Variants in SAMMSON observed in about 807,000 individuals in gnomAD.
SAMMSON encodes the protein survival associated mitochondrial melanoma specific oncogenic non-coding RNA.
At chr3:70,097,914 G>T (rs982453984) in intron 4 of SAMMSON, among the ~76,000 whole-genome samples, 1 of 152,104 alleles carries the variant, frequency 6.6e-6, no homozygotes, top group African/African-American at 2.4e-5. Context: ...TATCTACAAA[G>T]CTTGAGAAAT....
At chr3:70,309,667 C>A (rs189872333) in intron 7 of SAMMSON, among the ~76,000 whole-genome samples, 24 of 152,200 alleles carry the variant, frequency 1.6e-4, no homozygotes, top group African/African-American at 5.5e-4. Flanking sequence ...AACCCATATA[C>A]TTTTTCTTAA....
At chr3:70,331,650 T>G (rs1433506563) in intron 7 of SAMMSON, among the ~76,000 whole-genome samples, 1 of 152,212 alleles carries the variant, frequency 6.6e-6, no homozygotes, top group Non-Finnish European at 1.5e-5. Context: ...TTCACCTATT[T>G]AAGCTTTTCT....
chr3:70,254,355 A>G, intron 6 of SAMMSON, among the ~76,000 whole-genome samples: 1 of 152,282 alleles, frequency 6.6e-6, no homozygotes, highest in African/African-American at 2.4e-5. Context: ...AATCCATGCA[A>G]TTATTCTCAA....
intron 7 of SAMMSON, among the ~76,000 whole-genome samples, chr3:70,293,142 A>T (rs1466237176): frequency 6.6e-6 from 1 of 150,680 alleles, no homozygotes; most frequent in African/African-American, 2.4e-5. Context: ...CCAGCTTTTT[A>T]CATTTCTGGA....
At chr3:70,333,730 T>C (rs1037087670) in intron 7 of SAMMSON, among the ~76,000 whole-genome samples, 3 of 152,236 alleles carry the variant, frequency 2.0e-5, no homozygotes, top group Non-Finnish European at 2.9e-5. Flanking sequence ...ATAGCATTCC[T>C]CCAACTTGCC....
intron 7 of SAMMSON, among the ~76,000 whole-genome samples, chr3:70,332,068 T>C (rs557190026): frequency 3.3e-5 from 5 of 152,352 alleles, no homozygotes; most frequent in African/African-American, 1.2e-4. Flanking sequence ...TTGAATTTTT[T>C]TGAGTGTGGC....
intron 4 of SAMMSON, among the ~76,000 whole-genome samples, chr3:70,104,194 C>T (rs2067356715): frequency 6.6e-6 from 1 of 151,876 alleles, no homozygotes; most frequent in Non-Finnish European, 1.5e-5. Context: ...ATAAAGTCTT[C>T]ACAGGACTTT....
intron 3 of SAMMSON, among the ~76,000 whole-genome samples, chr3:70,025,589 G>A (rs751503351): frequency 6.6e-6 from 1 of 152,144 alleles, no homozygotes; most frequent in African/African-American, 2.4e-5. Flanking sequence ...CATAAATCCT[G>A]TTCCCAGAAA....
chr3:70,241,079 G>A (rs1386884115), intron 4 of SAMMSON, among the ~76,000 whole-genome samples: 4 of 152,030 alleles, frequency 2.6e-5, no homozygotes, highest in Admixed American at 1.3e-4. Context: ...ATGTGACTGC[G>A]GTGACACTGA....
At chr3:70,223,554 T>TCC (rs1701478195) in intron 4 of SAMMSON, among the ~76,000 whole-genome samples, 1 of 152,074 alleles carries the variant, frequency 6.6e-6, no homozygotes, top group Middle Eastern at 3.2e-3. Context: ...TGAGGTTGTC[T>TCC]CCCCCACCAA....
At chr3:70,051,305 C>T (rs1413369091) in intron 3 of SAMMSON, among the ~76,000 whole-genome samples, 1 of 150,506 alleles carries the variant, frequency 6.6e-6, no homozygotes, top group East Asian at 2.0e-4. Flanking sequence ...TTATTTCTAC[C>T]AATTAAACAA....
At chr3:70,177,451 T>C (rs938386557) in intron 4 of SAMMSON, among the ~76,000 whole-genome samples, 2 of 152,324 alleles carry the variant, frequency 1.3e-5, no homozygotes, top group African/African-American at 4.8e-5. Context: ...AGGAGAGAGA[T>C]ACGACAGGTT....
intron 1 of SAMMSON, chr3:70,009,074 C>G (rs1453135992): frequency 6.6e-6 from 1 of 152,176 alleles, no homozygotes; most frequent in African/African-American, 2.4e-5. Flanking sequence ...CATCCATGTT[C>G]GTCAGGGATA....
chr3:70,322,925 T>C (rs1379138483), intron 7 of SAMMSON, among the ~76,000 whole-genome samples: 1 of 152,106 alleles, frequency 6.6e-6, no homozygotes, highest in African/African-American at 2.4e-5. Flanking sequence ...CAGTTGTTAA[T>C]GTTATACAAA....
intron 6 of SAMMSON, among the ~76,000 whole-genome samples, chr3:70,288,880 A>G (rs1702196344): frequency 6.6e-6 from 1 of 150,716 alleles, no homozygotes; most frequent in Non-Finnish European, 1.5e-5. Flanking sequence ...TAGGATTGCA[A>G]CCCCTGCCTT....
At chr3:70,206,287 T>C (rs1239228875) in intron 4 of SAMMSON, among the ~76,000 whole-genome samples, 1 of 152,062 alleles carries the variant, frequency 6.6e-6, no homozygotes, top group Non-Finnish European at 1.5e-5. Context: ...GCCATTTTTC[T>C]TTATCTGCCT....
chr3:70,126,524 A>G (rs890328050), intron 4 of SAMMSON: 6 of 599,680 alleles, frequency 1.0e-5, no homozygotes, highest in South Asian at 9.0e-5. Context: ...GTGCCTCACC[A>G]GAAGAGTTCG....
intron 4 of SAMMSON, among the ~76,000 whole-genome samples, chr3:70,209,076 A>T (rs1701317415): frequency 6.6e-6 from 1 of 152,062 alleles, no homozygotes; most frequent in East Asian, 1.9e-4. Flanking sequence ...ATGGTGATGA[A>T]AATCATAATT....
chr3:70,292,993 A>C (rs1447661200), intron 7 of SAMMSON, among the ~76,000 whole-genome samples: 1 of 150,806 alleles, frequency 6.6e-6, no homozygotes, highest in Non-Finnish European at 1.5e-5. Context: ...CAAAGAAATA[A>C]AGGCTATTTG....
Sources: allele counts gnomAD v4.1 joint callset (sites outside exome capture counted in the v4.1 genomes callset), GRCh38; gene constraint gnomAD v4.1.1; transcripts MANE v1.5; gene names NCBI Gene and HGNC (gene_info 2026-07-23, HGNC 2026-07-21).